Variants in PLLP observed in about 807,000 individuals in gnomAD.
PLLP encodes plasmolipin, also known as plasma membrane proteolipid (plasmolipin).
In PLLP, 15 loss-of-function variants were observed where a neutral mutation model predicts 19.7. The ratio of observed to expected loss-of-function variants is 0.76; its 90% CI spans 0.51 to 1.17. The LOEUF (loss-of-function observed/expected upper bound fraction) is 1.17, where lower values mean the gene tolerates loss of function less well. PLLP is among the 50% of genes most tolerant of loss of function. PLLP has a pLI of 0.00. For synonymous variants in PLLP, 111 were observed against 116.3 expected (o/e 0.95, Z 0.29); for missense variants, 255 against 258.3 (o/e 0.99, Z 0.09).
chr16:57,261,847 G>A (rs1315014057), intron 2 of PLLP, 50 bp downstream of exon 2: 1 of 1,550,868 alleles, frequency 6.4e-7, no homozygotes, highest in Non-Finnish European at 8.9e-7. Flanking sequence ...TCTAGGGAAA[G>A]TCACAGTGGT....
chr16:57,258,681 C>T (rs1019447292), intron 2 of PLLP, 97 bp from the exon 3 acceptor site: 32 of 1,258,228 alleles, frequency 2.5e-5, no homozygotes, highest in Admixed American at 8.8e-5. Flanking sequence ...CAGCACTTTG[C>T]GGGGCTGAAG....
Position 57,265,630 on chromosome 16 carries a change from T to C in PLLP, c.136-3560A>G, listed in dbSNP as rs145037605. On this transcript the variant is annotated intron_variant, in intron 1 of 3. Coordinates refer to ENST00000219207, the MANE Select transcript of PLLP (RefSeq NM_015993.3). ...CTCGCTCTGTGCCAGACACATCTCA[T>C]TGATTCCTCCATCACCAGACCCTCC... 2.6e-4 allele frequency among the ~76,000 whole-genome samples: 39 copies of C among 152,326 alleles called. No homozygotes were observed. The East Asian group carries it at 7.3e-3, about 29-fold the overall frequency.
chr16:57,259,927 A>G (rs2075436941), intron 2 of PLLP, among the ~76,000 whole-genome samples: 1 of 151,914 alleles, frequency 6.6e-6, no homozygotes, highest in Non-Finnish European at 1.5e-5. Context: ...CAATGAGCTA[A>G]GATCGTGCCA....
intron 1 of PLLP, among the ~76,000 whole-genome samples, chr16:57,275,783 AAAG>A (rs1288790814): frequency 6.6e-6 from 1 of 152,226 alleles, no homozygotes; most frequent in Non-Finnish European, 1.5e-5. Flanking sequence ...TAGAATGAGC[AAAG>A]AATACAAACA....
intron 3 of PLLP, among the ~76,000 whole-genome samples, chr16:57,257,544 G>A (rs1456656416): frequency 3.3e-5 from 5 of 152,232 alleles, no homozygotes; most frequent in African/African-American, 9.6e-5. Flanking sequence ...CAGGCCTGGC[G>A]TCCAACTTCT....
intron 3 of PLLP, among the ~76,000 whole-genome samples, chr16:57,257,691 C>T (rs2075430146): frequency 6.6e-6 from 1 of 152,208 alleles, no homozygotes; most frequent in African/African-American, 2.4e-5. Flanking sequence ...GAGGGGACTA[C>T]TGCCACTTCA....
chr16:57,280,968 AAC>A (rs1488257836), intron 1 of PLLP, among the ~76,000 whole-genome samples: 1 of 152,202 alleles, frequency 6.6e-6, no homozygotes, highest in Non-Finnish European at 1.5e-5. Context: ...CCATACCAGG[AAC>A]ATTCATCAAA....
intron 1 of PLLP, among the ~76,000 whole-genome samples, chr16:57,273,689 G>A (rs990740129): frequency 2.0e-5 from 3 of 152,222 alleles, no homozygotes; most frequent in African/African-American, 7.2e-5. Context: ...TGGGAAATCA[G>A]GGTCCTAGTC....
chr16:57,262,041 A>G lies in PLLP; in HGVS notation c.165T>C (p.Ile55=). 1 of 1,614,158 alleles carries G rather than the reference A, an allele frequency of 6.2e-7. No homozygotes were observed. Among genetic ancestry groups the G allele is most frequent in the Non-Finnish European group, 8.5e-7 (1 of 1,180,026 alleles). Residue 55 remains isoleucine, a synonymous_variant, in exon 2 of 4, where the codon ATT becomes ATC. Coordinates refer to ENST00000219207, the MANE Select transcript of PLLP (RefSeq NM_015993.3). ...LVLGLLVWAL[I]ADTPYHLYPA... ...GATACAGGTGGTACGGGGTGTCCGC[A>G]ATCAGCGCCCACACCAGCAGCCCCA...
At chr16:57,268,781 C>CA (rs1450050791) in intron 1 of PLLP, among the ~76,000 whole-genome samples, 4 of 152,196 alleles carry the variant, frequency 2.6e-5, no homozygotes, top group Admixed American at 2.0e-4. Context: ...GACCAGCAAC[C>CA]AGCATAGGCT....
chr16:57,270,179 G>A (rs1421393265), intron 1 of PLLP, among the ~76,000 whole-genome samples: 2 of 151,200 alleles, frequency 1.3e-5, no homozygotes, highest in Non-Finnish European at 3.0e-5. Flanking sequence ...TCCAAACACA[G>A]TCCCCGAGTC....
chr16:57,261,811 C>T (rs1300778109), intron 2 of PLLP, 86 bp downstream of exon 2: 4 of 1,249,506 alleles, frequency 3.2e-6, no homozygotes, highest in Non-Finnish European at 4.6e-6. Flanking sequence ...GGATGTCAGG[C>T]CACCCCCCCA....
chr16:57,273,341 G>A (rs1901103997), intron 1 of PLLP, among the ~76,000 whole-genome samples: 1 of 152,092 alleles, frequency 6.6e-6, no homozygotes, highest in Non-Finnish European at 1.5e-5. Context: ...CTCATCTGGT[G>A]TCTGACCCCA....
At position 57,266,863 on chromosome 16, in the gene PLLP, C is replaced by CTT. The variant is rs34562097; in HGVS notation, c.136-4795_136-4794dup. Reference sequence around the variant, plus strand: ...TCTGGAAATCTCAAGGGCACAGGGCCTTTTTTTTTTTTTTTTTTTTTGCTT... The same window carrying CTT: ...TCTGGAAATCTCAAGGGCACAGGGCCTTTTTTTTTTTTTTTTTTTTTTTGCTT... On this transcript the variant is annotated intron_variant, in intron 1 of 3. Transcript: ENST00000219207. Among the ~76,000 whole-genome samples the CTT allele has an allele frequency of 2.4e-3, 237 of 97,264 alleles. 2 individuals carry two copies. Among genetic ancestry groups the CTT allele is most frequent in the Non-Finnish European group, 3.1e-3 (150 of 47,750 alleles). The allele number at this position is 97,264 out of a possible 152,430, so 63.8% of individuals were successfully genotyped here.
chr16:57,279,526 T>C (rs1901192651), intron 1 of PLLP, among the ~76,000 whole-genome samples: 1 of 151,966 alleles, frequency 6.6e-6, no homozygotes, highest in South Asian at 2.1e-4. Context: ...TATAAAAACT[T>C]AGCCAGGCAT....
chr16:57,277,738 T>C (rs537561525), intron 1 of PLLP, among the ~76,000 whole-genome samples: 1 of 152,328 alleles, frequency 6.6e-6, no homozygotes, highest in South Asian at 2.1e-4. Flanking sequence ...AGACAGCACC[T>C]ATCTGTGGTT....
intron 1 of PLLP, among the ~76,000 whole-genome samples, chr16:57,276,599 A>T (rs1317509519): frequency 4.0e-5 from 6 of 151,610 alleles, no homozygotes; most frequent in Non-Finnish European, 4.4e-5. Context: ...CTCAAAAAAA[A>T]AAAAAAAAGA....
chr16:57,258,621 G>A, intron 2 of PLLP, 37 bp from the exon 3 acceptor site: 1 of 1,607,482 alleles, frequency 6.2e-7, no homozygotes, highest in South Asian at 1.1e-5. Context: ...GGAGAGAAAA[G>A]GCTTAAGACA....
At chr16:57,261,553 CA>C (rs1463116377) in intron 2 of PLLP, among the ~76,000 whole-genome samples, 1 of 151,872 alleles carries the variant, frequency 6.6e-6, no homozygotes, top group Non-Finnish European at 1.5e-5. Flanking sequence ...TCCTCTTCTA[CA>C]AAAAATAAAA....
Sources: gnomAD v4.1 joint callset for allele counts (sites outside exome capture counted in the v4.1 genomes callset) on GRCh38, gnomAD v4.1.1 for gene constraint, MANE v1.5 for transcripts, NCBI Gene and HGNC (gene_info 2026-07-23, HGNC 2026-07-21) for gene names.